HPS4: variants seen among roughly 807,000 people sequenced by gnomAD.
HPS4 encodes the protein HPS4 biogenesis of lysosomal organelles complex 3 subunit 2.
A neutral mutation model predicts 70.3 loss-of-function variants in HPS4; 44 were observed. The observed-to-expected ratio is 0.63, with a 90% CI of 0.49 to 0.80. The LOEUF (loss-of-function observed/expected upper bound fraction) is 0.80, where lower values mean the gene tolerates loss of function less well. Among genes scored for constraint, HPS4 ranks in the 30% least tolerant of loss-of-function variants. The pLI, the probability that HPS4 is intolerant of heterozygous loss-of-function variation, is 0.00. For missense variants in HPS4, 873 were observed against 884.4 expected, an observed-to-expected ratio of 0.99 and a Z score of 0.16; for synonymous variants, 377 against 355.9, an observed-to-expected ratio of 1.06 and a Z score of -0.67.
At position 26,459,190 on chromosome 22, in the gene HPS4, C is replaced by T. The variant is rs115491650; in HGVS notation, c.1714-613G>A. Among the ~76,000 whole-genome samples, 448 of 152,324 alleles carry T rather than the reference C, an allele frequency of 2.9e-3. 2 individuals are homozygous for T. Among genetic ancestry groups the T allele is most frequent in the African/African-American group, 9.7e-3 (405 of 41,574 alleles). ...TAACTTCTCTCTGCTACACCTAGCACGGTCCTGGCTTTCTTGGAAGGACTG... is the reference window on the plus strand; with the variant it reads ...TAACTTCTCTCTGCTACACCTAGCATGGTCCTGGCTTTCTTGGAAGGACTG... On this transcript the variant is annotated intron_variant, in intron 11 of 13. Coordinates refer to ENST00000398145, the MANE Select transcript of HPS4 (RefSeq NM_022081.6).
In HPS4 at chr22:26,465,516, C is replaced by T. The variant is rs1249605385; in HGVS notation, c.742G>A (p.Val248Ile). Reference protein sequence around the residue: ...ALPPNVQIIPVFVTKEEAISL... With the variant: ...ALPPNVQIIPIFVTKEEAISL... ...ATGGCTTCCTCTTTGGTCACAAAAACAGGGATAATCTGGACATTCGGGGGC... is the reference window on the plus strand; with the variant it reads ...ATGGCTTCCTCTTTGGTCACAAAAATAGGGATAATCTGGACATTCGGGGGC... Residue 248 changes from valine to isoleucine, a missense_variant, in exon 10 of 14, where the codon GTT becomes ATT. Transcript: ENST00000398145. 6.2e-7 allele frequency: 1 copy of T among 1,614,014 alleles called. No homozygotes were observed. The highest frequency in any genetic ancestry group is 8.5e-7 in the Non-Finnish European group (1 of 1,180,012).
At chr22:26,443,354 G>T, downstream of HPS4, 1 of 639,350 alleles carries the variant, frequency 1.6e-6, no homozygotes, top group South Asian at 1.9e-5. Flanking sequence ...ATCATGTCGG[G>T]TCCCTCTTTC....
rs376367198 is a variant in HPS4, at chr22:26,453,623, C to T, written c.1956-219G>A. 1,212 of 592,158 alleles carry T rather than the reference C, an allele frequency of 2.0e-3. 31 individuals carry two copies. The South Asian group carries it at 0.022, about 11-fold the overall frequency. 36.7% of individuals were successfully genotyped at this position (592,158 alleles called of 1,614,324 possible). ...CAGCTCACTAGATGCTGGAAGAGTC[C>T]GTGGCGGGACCATCCACAGTGGCAG... On this transcript the variant is annotated intron_variant, in intron 13 of 13. Coordinates refer to ENST00000398145, the MANE Select transcript of HPS4 (RefSeq NM_022081.6).
At chr22:26,470,841 A>G in intron 6 of HPS4, 28 bp from the exon 7 acceptor site, 1 of 1,613,602 alleles carries the variant, frequency 6.2e-7, no homozygotes, top group African/African-American at 1.3e-5. Context: ...CATCATGCCC[A>G]CCCATCAGCA....
At chr22:26,446,823 C>G (rs1026867636), downstream of HPS4, among the ~76,000 whole-genome samples, 30 of 152,298 alleles carry the variant, frequency 2.0e-4, no homozygotes, top group African/African-American at 7.0e-4. Context: ...CAACCTCCAC[C>G]TTCTGGTGAT....
Position 26,457,889 on chromosome 22 carries a change from T to C in HPS4, c.1925A>G (p.Gln642Arg), listed in dbSNP as rs1427517809. ...AGTCATTTCATAAAGCGCGGGCAGC[T>C]GGGCAAATTCGCTATGCATCAGGCT... ...AVSLMHSEFA[Q>R]LPALYEMTVR... Residue 642 changes from glutamine (Q) to arginine (R), a missense_variant, in exon 13 of 14, where the codon CAG becomes CGG. Coordinates refer to ENST00000398145, the MANE Select transcript of HPS4 (RefSeq NM_022081.6). The C allele has an allele frequency of 7.4e-6, 12 of 1,614,092 alleles. No homozygotes were observed. The South Asian group carries it at 1.2e-4, about 16-fold the overall frequency.
intron 3 of HPS4, among the ~76,000 whole-genome samples, chr22:26,478,320 C>A (rs978639372): frequency 1.3e-5 from 2 of 151,992 alleles, no homozygotes; most frequent in Non-Finnish European, 2.9e-5. Context: ...CGCCTGTAAT[C>A]CCTGCACTTT....
intron 13 of HPS4, chr22:26,453,710 G>T (rs1041338996): frequency 4.7e-6 from 2 of 425,794 alleles, no homozygotes; most frequent in Non-Finnish European, 8.8e-6. Context: ...TGGCTTTTTT[G>T]ACATACTGGC....
At chr22:26,470,157 T>C (rs893560361) in intron 7 of HPS4, among the ~76,000 whole-genome samples, 3 of 152,252 alleles carry the variant, frequency 2.0e-5, no homozygotes, top group African/African-American at 4.8e-5. Context: ...AGAGAGGCCT[T>C]AGATGACCTA....
At chr22:26,479,917 A>G (rs986351092) in intron 2 of HPS4, among the ~76,000 whole-genome samples, 1 of 152,204 alleles carries the variant, frequency 6.6e-6, no homozygotes, top group African/African-American at 2.4e-5. Context: ...ACAGGGGCCT[A>G]TGAGAATTTA....
At chr22:26,469,265 A>G (rs1294461844) in intron 7 of HPS4, among the ~76,000 whole-genome samples, 1 of 120,454 alleles carries the variant, frequency 8.3e-6, no homozygotes, top group African/African-American at 3.2e-5. Flanking sequence ...TGAGCAACAT[A>G]GTGAGATCCC....
chr22:26,476,922 A>G, intron 4 of HPS4, 71 bp downstream of exon 4: 1 of 1,536,792 alleles, frequency 6.5e-7, no homozygotes, highest in Non-Finnish European at 9.0e-7. Flanking sequence ...TAAATTCAAG[A>G]CTCAGAAACA....
rs1034235131 is a variant in HPS4, at chr22:26,470,817, T to G, written c.502-4A>C. On this transcript the variant is annotated splice_polypyrimidine_tract_variant and splice_region_variant and intron_variant, in intron 6 of 13. Coordinates refer to ENST00000398145, the MANE Select transcript of HPS4 (RefSeq NM_022081.6). ...TCAGCAACAACAGGGGCTCCACCTG[T>G]GCAGGGCAAGAGGCATCATGCCCAC... The G allele has an allele frequency of 1.2e-6, 2 of 1,614,110 alleles. No individual in the cohort carries two copies. The highest frequency in any genetic ancestry group is 1.7e-6 in the Non-Finnish European group (2 of 1,180,036).
At chr22:26,472,964 C>T (rs765413742) in intron 4 of HPS4, 25 bp from the exon 5 acceptor site, 14 of 1,591,914 alleles carry the variant, frequency 8.8e-6, no homozygotes, top group Admixed American at 5.0e-5. Flanking sequence ...ACCAGGAAGA[C>T]AAGCATCTTC....
intron 13 of HPS4, among the ~76,000 whole-genome samples, chr22:26,456,343 T>G (rs1191447757): frequency 1.3e-5 from 2 of 152,222 alleles, no homozygotes; most frequent in Non-Finnish European, 2.9e-5. Context: ...TTCAATTTTC[T>G]CATCTGTAAA....
intron 10 of HPS4, among the ~76,000 whole-genome samples, chr22:26,465,224 G>A (rs1434578365): frequency 2.6e-5 from 4 of 152,206 alleles, no homozygotes; most frequent in Non-Finnish European, 5.9e-5. Flanking sequence ...ACTTGCCCAA[G>A]GTCCCATAGC....
chr22:26,479,383 TTTC>T, intron 2 of HPS4, 28 bp from the exon 3 acceptor site: 1 of 1,612,126 alleles, frequency 6.2e-7, no homozygotes, highest in Non-Finnish European at 8.5e-7. Context: ...TGGAGCCATG[TTTC>T]CTTTAATCCA....
At position 26,452,568 on chromosome 22, in the gene HPS4, A is replaced by G; in HGVS notation, c.*665T>C. ...CAGCCCCCAGAGCTTTTATAAAGGG[A>G]TCTCTAAAGCCCAAACTCCCTTCCA... On this transcript the variant is annotated 3_prime_UTR_variant, in exon 14 of 14. Coordinates refer to ENST00000398145, the MANE Select transcript of HPS4 (RefSeq NM_022081.6). 3.0e-6 allele frequency: 1 copy of G among 330,724 alleles called. No homozygotes were observed. Among genetic ancestry groups the G allele is most frequent in the Non-Finnish European group, 5.9e-6 (1 of 168,956 alleles). The allele number at this position is 330,724 out of a possible 1,614,324, so 20.5% of individuals were successfully genotyped here.
intron 2 of HPS4, among the ~76,000 whole-genome samples, chr22:26,481,193 A>G (rs1230292095): frequency 6.6e-6 from 1 of 151,614 alleles, no homozygotes; most frequent in African/African-American, 2.4e-5. Context: ...CACATAAATA[A>G]TCAGTCACTA....
Sources: gnomAD v4.1 joint callset for allele counts (sites outside exome capture counted in the v4.1 genomes callset) on GRCh38, gnomAD v4.1.1 for gene constraint, MANE v1.5 for transcripts, NCBI Gene and HGNC (gene_info 2026-07-23, HGNC 2026-07-21) for gene names.